The following DNAH8 variants were observed in gnomAD, a reference collection of about 807,000 sequenced individuals.
The protein encoded by DNAH8 is dynein axonemal heavy chain 8, also known as axonemal beta dynein heavy chain 8.
DNAH8 carries 382 observed loss-of-function variants against 562.1 expected under a neutral mutation model. The ratio of observed to expected loss-of-function variants is 0.68; its 90% CI spans 0.63 to 0.74. The LOEUF (loss-of-function observed/expected upper bound fraction) is 0.74. Among genes scored for constraint, DNAH8 ranks in the 30% least tolerant of loss-of-function variants. The pLI is 0.00. For missense variants in DNAH8, 5,203 were observed against 5,620.4 expected, an observed-to-expected ratio of 0.93 and a Z score of 2.37; for synonymous variants, 1,881 against 1,919.4, an observed-to-expected ratio of 0.98 and a Z score of 0.52.
rs376106730 is a variant in DNAH8 at position 38,738,629 on chromosome 6, C to A, written c.1116+657C>A. Among the ~76,000 whole-genome samples, 11 of 152,258 alleles carry A rather than the reference C, an allele frequency of 7.2e-5. No homozygotes were observed. The East Asian group carries it at 7.7e-4, about 11-fold the overall frequency. On this transcript the variant is annotated intron_variant, in intron 7 of 92. Coordinates refer to ENST00000327475, the MANE Select transcript of DNAH8 (RefSeq NM_001206927.2). ...ATCAGCACAGGACAGCAGAACTAAA[C>A]AAGAAAATCTTCAGTTATGTGAGGA... is the stretch of plus-strand genomic sequence containing the variant.
chr6:38,793,673 C>T (rs1225482549), intron 21 of DNAH8, among the ~76,000 whole-genome samples: 1 of 151,826 alleles, frequency 6.6e-6, no homozygotes, highest in African/African-American at 2.4e-5. Context: ...ACTTCTACTC[C>T]CTGCCCTCTT....
At chr6:38,925,606 C>T (rs1282323982) in intron 73 of DNAH8, among the ~76,000 whole-genome samples, 1 of 152,108 alleles carries the variant, frequency 6.6e-6, no homozygotes, top group Non-Finnish European at 1.5e-5. Context: ...AATAACTCAT[C>T]TAATTTATCT....
chr6:38,929,090 G>T (rs1161064210), intron 74 of DNAH8, among the ~76,000 whole-genome samples: 2 of 152,108 alleles, frequency 1.3e-5, no homozygotes, highest in Non-Finnish European at 2.9e-5. Context: ...ACATTCTTAT[G>T]TTTACTTTTT....
intron 47 of DNAH8, among the ~76,000 whole-genome samples, chr6:38,867,482 C>T (rs1469228168): frequency 1.3e-5 from 2 of 151,862 alleles, no homozygotes; most frequent in African/African-American, 4.8e-5. Context: ...CCGTGGCTCA[C>T]GTCTGTAATC....
At chr6:38,758,653 T>C (rs1438592204) in intron 10 of DNAH8, among the ~76,000 whole-genome samples, 1 of 151,892 alleles carries the variant, frequency 6.6e-6, no homozygotes, top group African/African-American at 2.4e-5. Context: ...CAGTATGATA[T>C]TGGCTGTGGG....
intron 35 of DNAH8, among the ~76,000 whole-genome samples, chr6:38,843,924 T>A (rs1002708004): frequency 6.6e-6 from 1 of 152,164 alleles, no homozygotes; most frequent in Admixed American, 6.5e-5. Flanking sequence ...CAGCCCCAAG[T>A]TGAGAGCCAG....
chr6:38,820,155 G>T (rs1308396713), intron 26 of DNAH8, among the ~76,000 whole-genome samples: 1 of 152,082 alleles, frequency 6.6e-6, no homozygotes, highest in Non-Finnish European at 1.5e-5. Flanking sequence ...GCAAGGTAGG[G>T]GGTCCTGCCC....
Position 38,775,827 on chromosome 6 carries a change from T to C in DNAH8, c.1838T>C (p.Met613Thr). Reference sequence around the variant, plus strand: ...TCTACCATAGAAGGAATAGATATTATGGCAATAAAATTCAGAAATATATAC... The same window carrying C: ...TCTACCATAGAAGGAATAGATATTACGGCAATAAAATTCAGAAATATATAC... ...SNSTIEGIDI[M>T]AIKFRNIYQG... is the part of the protein sequence containing the mutation. The change falls in exon 13 of 93, where the codon ATG becomes ACG. Residue 613 changes from methionine (M) to threonine (T), a missense_variant. Physicochemically the swap from Met to Thr is moderately conservative, Grantham distance 81. This residue lies in a region of DNAH8 where 2,176 missense variants were observed against 2,365.1 expected (regional missense o/e 0.92). Coordinates refer to ENST00000327475, the MANE Select transcript of DNAH8 (RefSeq NM_001206927.2). The C allele has an allele frequency of 6.2e-7, 1 of 1,601,406 alleles. No individual in the cohort carries two copies. The highest frequency in any genetic ancestry group is 1.1e-5 in the South Asian group (1 of 90,788).
intron 33 of DNAH8, among the ~76,000 whole-genome samples, chr6:38,840,028 A>G (rs904001038): frequency 1.3e-5 from 2 of 152,218 alleles, no homozygotes; most frequent in African/African-American, 2.4e-5. Context: ...TTTATTCTGT[A>G]ATATCCTAGT....
intron 8 of DNAH8, among the ~76,000 whole-genome samples, chr6:38,746,361 T>C (rs1320343052): frequency 6.6e-6 from 1 of 152,178 alleles, no homozygotes; most frequent in African/African-American, 2.4e-5. Flanking sequence ...TTCTTTACTC[T>C]CTAACACTAG....
chr6:39,009,301 T>TAAA (rs66901983), intron 89 of DNAH8, among the ~76,000 whole-genome samples: 1 of 148,700 alleles, frequency 6.7e-6, no homozygotes, highest in Admixed American at 6.7e-5. Flanking sequence ...TAAGCTGTGC[T>TAAA]AAAAAAAAAA....
At chr6:38,847,389 G>A (rs1397366058) in intron 36 of DNAH8, among the ~76,000 whole-genome samples, 1 of 151,672 alleles carries the variant, frequency 6.6e-6, no homozygotes. Flanking sequence ...CCCATGCCAT[G>A]TTGGTTTACA....
intron 91 of DNAH8, among the ~76,000 whole-genome samples, chr6:39,013,072 CA>C (rs1270250496): frequency 6.6e-6 from 1 of 152,212 alleles, no homozygotes; most frequent in Non-Finnish European, 1.5e-5. Context: ...CAGAGAACTT[CA>C]GGGGGGTCTT....
chr6:38,806,416 T>C (rs987287438), intron 23 of DNAH8, among the ~76,000 whole-genome samples: 1 of 152,184 alleles, frequency 6.6e-6, no homozygotes, highest in African/African-American at 2.4e-5. Context: ...GGCTTCTCAG[T>C]ACCATGCACC....
chr6:38,789,938 G>C, intron 19 of DNAH8, 55 bp downstream of exon 19: 2 of 1,376,756 alleles, frequency 1.5e-6, no homozygotes, highest in Non-Finnish European at 2.1e-6. Flanking sequence ...ATTAGATTTC[G>C]GTTCTATAAA....
chr6:38,830,074 T>A (rs1773700440), intron 30 of DNAH8, among the ~76,000 whole-genome samples: 1 of 152,120 alleles, frequency 6.6e-6, no homozygotes, highest in Non-Finnish European at 1.5e-5. Context: ...GGTAGTCAAT[T>A]TTGTCAGTCT....
At chr6:38,904,879 A>T (rs1348161210) in intron 62 of DNAH8, among the ~76,000 whole-genome samples, 1 of 152,114 alleles carries the variant, frequency 6.6e-6, no homozygotes, top group East Asian at 1.9e-4. Context: ...CTTTCAGTGA[A>T]GTGGATGGGT....
intron 88 of DNAH8, among the ~76,000 whole-genome samples, chr6:38,992,783 G>C (rs141527917): frequency 3.0e-4 from 45 of 152,208 alleles, no homozygotes; most frequent in African/African-American, 9.9e-4. Flanking sequence ...GAAGTACAAC[G>C]CAAATGTAAA....
At chr6:38,747,231 G>T (rs1282304537) in intron 8 of DNAH8, among the ~76,000 whole-genome samples, 1 of 152,144 alleles carries the variant, frequency 6.6e-6, no homozygotes, top group Non-Finnish European at 1.5e-5. Context: ...ATATAGAACA[G>T]TGAGAGATTA....
Sources: allele counts gnomAD v4.1 joint callset (sites outside exome capture counted in the v4.1 genomes callset), GRCh38; gene constraint gnomAD v4.1.1; regional missense constraint gnomAD v4.1.1; transcripts MANE v1.5; gene names NCBI Gene and HGNC (gene_info 2026-07-23, HGNC 2026-07-21).